Variants in ELOVL4 observed in about 807,000 individuals in gnomAD.
ELOVL4 encodes the protein very long chain fatty acid elongase 4.
Under a neutral mutation model 42.1 loss-of-function variants are expected in ELOVL4, and 18 were observed. The observed-to-expected ratio is 0.43, with a 90% CI of 0.30 to 0.63. The LOEUF is 0.63. Ranked by LOEUF, ELOVL4 falls within the 30% of genes least tolerant of loss-of-function variation. ELOVL4 has a pLI of 0.15. For missense variants in ELOVL4, 299 were observed against 376.2 expected, an observed-to-expected ratio of 0.79 and a Z score of 1.70; for synonymous variants, 117 against 127.0, an observed-to-expected ratio of 0.92 and a Z score of 0.53.
chr6:79,929,395 C>T (rs1481460790), intron 1 of ELOVL4, among the ~76,000 whole-genome samples: 5 of 152,196 alleles, frequency 3.3e-5, no homozygotes, highest in Non-Finnish European at 1.5e-5. Context: ...CACACGCCAA[C>T]ACACCCTATT....
At position 79,919,502 on chromosome 6, in the gene ELOVL4, T is replaced by C. The variant is rs766171302; in HGVS notation, c.587A>G (p.Tyr196Cys). The change falls in exon 5 of 6, where the codon TAC becomes TGC. Residue 196 changes from tyrosine to cysteine, a missense_variant. By Grantham distance (194) the Tyr-to-Cys change is radical. Coordinates refer to ENST00000369816, the MANE Select transcript of ELOVL4 (RefSeq NM_022726.4). ...QLNSFIHVIM[Y>C]SYYGLTAFGP... The stretch of plus-strand genomic sequence containing the variant: ...AAATGCAGTTAACCCATAGTATGAG[T>C]ACATAATCACATGGATAAAGGAATT... 1.2e-6 allele frequency: 2 copies of C among 1,613,548 alleles called. No homozygotes were observed. The highest frequency in any genetic ancestry group is 3.3e-5 in the Admixed American group (2 of 59,988).
intron 1 of ELOVL4, among the ~76,000 whole-genome samples, chr6:79,941,583 C>A (rs576454229): frequency 6.6e-6 from 1 of 152,056 alleles, no homozygotes; most frequent in African/African-American, 2.4e-5. Flanking sequence ...ACTCTCTGGC[C>A]GGGCACAGTG....
intron 3 of ELOVL4, 111 bp downstream of exon 3, chr6:79,924,841 A>T: frequency 1.4e-6 from 1 of 728,838 alleles, no homozygotes; most frequent in Admixed American, 2.1e-5. Flanking sequence ...TCTCTAAATG[A>T]ATGTTAAAGA....
intron 1 of ELOVL4, among the ~76,000 whole-genome samples, chr6:79,929,521 G>A (rs549692881): frequency 6.6e-6 from 1 of 151,970 alleles, no homozygotes; most frequent in African/African-American, 2.4e-5. Context: ...GATTACAGGC[G>A]TGAGCCACCA....
chr6:79,931,479 T>G (rs921432225), intron 1 of ELOVL4, among the ~76,000 whole-genome samples: 2 of 152,176 alleles, frequency 1.3e-5, no homozygotes, highest in African/African-American at 4.8e-5. Context: ...CCATCGATTT[T>G]TTTCTGAATT....
At position 79,938,802 on chromosome 6, in the gene ELOVL4, T is replaced by C. The variant is rs190232285; in HGVS notation, c.100+8378A>G. Among the ~76,000 whole-genome samples, 824 of 152,354 alleles carry C rather than the reference T, an allele frequency of 5.4e-3. 7 individuals carry two copies. Among genetic ancestry groups the C allele is most frequent in the Middle Eastern group, 0.014 (4 of 294 alleles). On this transcript the variant is annotated intron_variant, in intron 1 of 5. Coordinates refer to ENST00000369816, the MANE Select transcript of ELOVL4 (RefSeq NM_022726.4). ...TTTAGTATTCTAAACAGTGATACTC[T>C]GTAGATAACAATAAAAGAAAAGGTA...
At chr6:79,928,114 G>GA (rs965125391) in intron 1 of ELOVL4, among the ~76,000 whole-genome samples, 40 of 150,394 alleles carry the variant, frequency 2.7e-4, no homozygotes, top group Admixed American at 1.7e-3. Flanking sequence ...CTATATTATA[G>GA]AAAAAAAAAG....
At chr6:79,931,519 T>C (rs1231809786) in intron 1 of ELOVL4, among the ~76,000 whole-genome samples, 1 of 152,180 alleles carries the variant, frequency 6.6e-6, no homozygotes. Flanking sequence ...TTTAAGACTA[T>C]TCTTTCAAGG....
intron 4 of ELOVL4, among the ~76,000 whole-genome samples, 173 bp downstream of exon 4, chr6:79,921,452 T>G (rs1582045339): frequency 1.2e-5 from 1 of 80,338 alleles, no homozygotes; most frequent in African/African-American, 4.9e-5. Flanking sequence ...AGAGCGAGAC[T>G]CCATCTCAAA....
At chr6:79,933,844 A>G (rs1582052602) in intron 1 of ELOVL4, among the ~76,000 whole-genome samples, 1 of 152,194 alleles carries the variant, frequency 6.6e-6, no homozygotes, top group South Asian at 2.1e-4. Flanking sequence ...CTGGCAATGA[A>G]CAGGATAGGT....
chr6:79,937,127 GAAAGC>G (rs1206431972), intron 1 of ELOVL4, among the ~76,000 whole-genome samples: 1 of 152,268 alleles, frequency 6.6e-6, no homozygotes, highest in African/African-American at 2.4e-5. Flanking sequence ...TGAAAGAGGG[GAAAGC>G]TGCAATGTCT....
chr6:79,921,980 AAG>A (rs1340595454), intron 3 of ELOVL4, among the ~76,000 whole-genome samples, 184 bp from the exon 4 acceptor site: 1 of 152,200 alleles, frequency 6.6e-6, no homozygotes, highest in Non-Finnish European at 1.5e-5. Flanking sequence ...ATAGAAAAGA[AAG>A]AGTCCAAAGC....
At chr6:79,932,095 G>A (rs749476238) in intron 1 of ELOVL4, among the ~76,000 whole-genome samples, 1 of 152,194 alleles carries the variant, frequency 6.6e-6, no homozygotes, top group Non-Finnish European at 1.5e-5. Context: ...TAAAGCTTAT[G>A]CCAAGAGGGA....
intron 1 of ELOVL4, among the ~76,000 whole-genome samples, chr6:79,927,519 A>G (rs1325845996): frequency 6.6e-6 from 1 of 152,170 alleles, no homozygotes; most frequent in Non-Finnish European, 1.5e-5. Flanking sequence ...TTAGTGAACT[A>G]GGTATTAAAA....
intron 1 of ELOVL4, 60 bp downstream of exon 1, chr6:79,947,120 C>G (rs1774759875): frequency 2.2e-5 from 31 of 1,403,450 alleles, no homozygotes; most frequent in Non-Finnish European, 3.1e-5. Flanking sequence ...AGCTGCGAGA[C>G]CAGGGGCCGG....
chr6:79,926,137 T>G, intron 2 of ELOVL4, 57 bp downstream of exon 2: 1 of 1,451,040 alleles, frequency 6.9e-7, no homozygotes, highest in Non-Finnish European at 9.6e-7. Context: ...TTACACATTC[T>G]CATTTTTAAA....
chr6:79,934,807 CAAT>C lies in ELOVL4; in HGVS notation c.101-8429_101-8427del, dbSNP rs1774516294. On this transcript the variant is annotated intron_variant, in intron 1 of 5. Coordinates refer to ENST00000369816, the MANE Select transcript of ELOVL4 (RefSeq NM_022726.4). ...CAGCATCTGACACAGTGTCAGAGTT[CAAT>C]AATTTTTGGCATTTCATTATTATTG... Among the ~76,000 whole-genome samples the C allele has an allele frequency of 4.6e-5, 7 of 152,166 alleles. No homozygotes were observed. In the South Asian group the frequency reaches 1.5e-3, roughly 32 times the overall value.
chr6:79,946,831 G>T (rs1257153556), intron 1 of ELOVL4, among the ~76,000 whole-genome samples: 1 of 152,278 alleles, frequency 6.6e-6, no homozygotes, highest in East Asian at 1.9e-4. Context: ...CGGGGAAGAG[G>T]GAGGCGAGCT....
At chr6:79,924,294 T>C (rs1774308515) in intron 3 of ELOVL4, among the ~76,000 whole-genome samples, 1 of 152,156 alleles carries the variant, frequency 6.6e-6, no homozygotes, top group Non-Finnish European at 1.5e-5. Flanking sequence ...AACACATAAC[T>C]TGGACTCTAA....
Sources: gnomAD v4.1 joint callset for allele counts (sites outside exome capture counted in the v4.1 genomes callset) on GRCh38, gnomAD v4.1.1 for gene constraint, MANE v1.5 for transcripts, NCBI Gene and HGNC (gene_info 2026-07-23, HGNC 2026-07-21) for gene names.